Variants in THUMPD3 observed in about 807,000 individuals in gnomAD.
THUMPD3 encodes the protein tRNA (guanine(6)-N(2))-methyltransferase THUMP3.
A neutral mutation model predicts 54.5 loss-of-function variants in THUMPD3; 44 were observed. The ratio of observed to expected loss-of-function variants is 0.81; its 90% CI spans 0.63 to 1.04. The LOEUF (loss-of-function observed/expected upper bound fraction) is 1.04, where lower values mean the gene tolerates loss of function less well. Ranked by LOEUF, THUMPD3 falls within the 50% of genes least tolerant of loss-of-function variation. The pLI is 0.00. For missense variants in THUMPD3, 604 were observed against 601.3 expected (o/e 1.00, Z -0.05); for synonymous variants, 196 against 201.4 (o/e 0.97, Z 0.23).
chr3:9,374,697 G>A (rs527862422), intron 5 of THUMPD3, 51 bp downstream of exon 5: 2 of 1,601,850 alleles, frequency 1.2e-6, no homozygotes, highest in Admixed American at 1.7e-5. Context: ...TGGTTTGAAT[G>A]TTCCCTTCAA....
In THUMPD3 at chr3:9,386,569, G is replaced by C. The variant is rs188700682; in HGVS notation, c.*1881G>C. The C allele has an allele frequency of 3.3e-5, 5 of 152,104 alleles. No individual in the cohort carries two copies. The highest frequency in any genetic ancestry group is 7.3e-5 in the Non-Finnish European group (5 of 68,042). The allele number at this position is 152,104 out of a possible 1,614,324, so 9.4% of individuals were successfully genotyped here. A position where few individuals can be genotyped will look rare whatever the true frequency, so the allele number is the denominator to read the frequency against. ...TTGACAAGACTGATACAAATATGTAGTGGGCAATAGTTTGCCGTCTTCTTC... is the reference window on the plus strand; with the variant it reads ...TTGACAAGACTGATACAAATATGTACTGGGCAATAGTTTGCCGTCTTCTTC... On this transcript the variant is annotated 3_prime_UTR_variant, in exon 10 of 10. Coordinates refer to ENST00000452837, the MANE Select transcript of THUMPD3 (RefSeq NM_001114092.2).
chr3:9,384,714 C>T lies in THUMPD3; in HGVS notation c.*26C>T. ...AGATGACTAATAGTACTTGTACTTC[C>T]CACCACTGGAAATGTTAGCATAAAA... On this transcript the variant is annotated 3_prime_UTR_variant, in exon 10 of 10. Transcript: ENST00000452837. The T allele has an allele frequency of 6.2e-7, 1 of 1,611,682 alleles. No individual in the cohort carries two copies. Among genetic ancestry groups the T allele is most frequent in the Admixed American group, 1.7e-5 (1 of 59,878 alleles).
intron 3 of THUMPD3, among the ~76,000 whole-genome samples, chr3:9,369,116 C>T (rs955874224): frequency 1.1e-4 from 17 of 151,882 alleles, no homozygotes; most frequent in Non-Finnish European, 2.4e-4. Context: ...TTGAGAGCAG[C>T]ATGGCCAAGG....
intron 6 of THUMPD3, among the ~76,000 whole-genome samples, chr3:9,378,891 T>C (rs910024550): frequency 2.0e-5 from 3 of 152,062 alleles, no homozygotes; most frequent in East Asian, 1.9e-4. Flanking sequence ...AATCATGATA[T>C]GTGTATGAAA....
chr3:9,365,645 G>A lies in THUMPD3; in HGVS notation c.252+325G>A, dbSNP rs184155134. 1.1e-3 allele frequency among the ~76,000 whole-genome samples: 163 copies of A among 151,706 alleles called. 1 individual carries two copies. Among genetic ancestry groups the A allele is most frequent in the Admixed American group, 2.6e-3 (39 of 15,252 alleles). On this transcript the variant is annotated intron_variant, in intron 2 of 9. Transcript: ENST00000452837. Reference sequence around the variant, plus strand: ...TCTTGCTCTGTCATCAGGCTGGAGTGCAATGGCGCGATCTTGGCTCACTGC... The same window carrying A: ...TCTTGCTCTGTCATCAGGCTGGAGTACAATGGCGCGATCTTGGCTCACTGC...
chr3:9,368,737 G>C (rs1173861662), intron 3 of THUMPD3, among the ~76,000 whole-genome samples: 1 of 152,134 alleles, frequency 6.6e-6, no homozygotes, highest in Non-Finnish European at 1.5e-5. Flanking sequence ...ACATGTATTT[G>C]GAGCAAACTT....
At chr3:9,379,251 G>C (rs1196118224) in intron 6 of THUMPD3, among the ~76,000 whole-genome samples, 1 of 150,992 alleles carries the variant, frequency 6.6e-6, no homozygotes, top group Non-Finnish European at 1.5e-5. Flanking sequence ...CGGAATCACT[G>C]AGAGCCTTCC....
intron 2 of THUMPD3, among the ~76,000 whole-genome samples, chr3:9,366,224 G>C (rs1228868134): frequency 6.6e-6 from 1 of 152,052 alleles, no homozygotes; most frequent in Non-Finnish European, 1.5e-5. Flanking sequence ...ACTCACTCAA[G>C]GTAAAAAGTG....
At position 9,380,606 on chromosome 3, in the gene THUMPD3, A is replaced by G; in HGVS notation, c.1112A>G (p.Gln371Arg). 3 of 1,609,230 alleles carry G rather than the reference A, an allele frequency of 1.9e-6. No individual in the cohort carries two copies. In the South Asian group the frequency reaches 3.3e-5, roughly 18 times the overall value. ...ATTGCATCTTTATTGACCAAGAGCC[A>G]AATTAAAGAAGGGTAAAAATTTAAA... is the stretch of plus-strand genomic sequence containing the variant. Reference protein sequence around the residue: ...NNIASLLTKSQIKEGKPSWGL... With the variant: ...NNIASLLTKSRIKEGKPSWGL... The change falls in exon 7 of 10, where the codon CAA becomes CGA. Residue 371 changes from glutamine (Q) to arginine (R), a missense_variant. By Grantham distance (43) the Gln-to-Arg change is conservative. Coordinates refer to ENST00000452837, the MANE Select transcript of THUMPD3 (RefSeq NM_001114092.2).
chr3:9,371,098 A>C lies in THUMPD3; in HGVS notation c.369A>C (p.Lys123Asn). ...AGGATTTTGAAGACTTGGCTGGAAA[A>C]CTCCCATGGTCAAACCCCTTAAAAG... Reference protein sequence around the residue: ...VLKDFEDLAGKLPWSNPLKVW... With the variant: ...VLKDFEDLAGNLPWSNPLKVW... Residue 123 changes from lysine to asparagine, a missense_variant, in exon 4 of 10, where the codon AAA becomes AAC. Transcript: ENST00000452837. 2 of 1,577,156 alleles carry C rather than the reference A, an allele frequency of 1.3e-6. No individual in the cohort carries two copies. The highest frequency in any genetic ancestry group is 1.7e-6 in the Non-Finnish European group (2 of 1,169,454).
intron 5 of THUMPD3, among the ~76,000 whole-genome samples, chr3:9,376,054 C>T (rs1036451832): frequency 1.3e-5 from 2 of 152,146 alleles, no homozygotes; most frequent in African/African-American, 2.4e-5. Flanking sequence ...TTCTAGTCTT[C>T]ATTAATTTAA....
rs1387030321 is a variant in THUMPD3 at position 9,385,344 on chromosome 3, G to A, written c.*656G>A. On this transcript the variant is annotated 3_prime_UTR_variant, in exon 10 of 10. Transcript: ENST00000452837. ...AGTGCAAAACTACCCTGGCCCAAAG[G>A]AAGGGCAGAGAACATAATTACATCT... 2 of 152,206 alleles carry A rather than the reference G, an allele frequency of 1.3e-5. No individual in the cohort carries two copies. Among genetic ancestry groups the A allele is most frequent in the Non-Finnish European group, 2.9e-5 (2 of 68,076 alleles). 9.4% of individuals were successfully genotyped at this position (152,206 alleles called of 1,614,324 possible).
At chr3:9,374,761 TAAAGA>T in intron 5 of THUMPD3, 115 bp downstream of exon 5, 1 of 1,189,736 alleles carries the variant, frequency 8.4e-7, no homozygotes, top group Non-Finnish European at 1.2e-6. Flanking sequence ...ATAGAGTGGA[TAAAGA>T]ATAGAATGGA....
intron 5 of THUMPD3, among the ~76,000 whole-genome samples, chr3:9,376,582 C>A (rs565701334): frequency 6.6e-6 from 1 of 152,266 alleles, no homozygotes; most frequent in Admixed American, 6.5e-5. Flanking sequence ...GGAGTAGGAG[C>A]AAGGAGATAG....
At chr3:9,367,959 G>A (rs2031696494) in intron 3 of THUMPD3, among the ~76,000 whole-genome samples, 1 of 152,056 alleles carries the variant, frequency 6.6e-6, no homozygotes, top group African/African-American at 2.4e-5. Context: ...CAGCTACTCA[G>A]GAGGCTGAGG....
intron 2 of THUMPD3, 74 bp downstream of exon 2, chr3:9,365,394 T>C: frequency 6.5e-7 from 1 of 1,532,262 alleles, no homozygotes; most frequent in Middle Eastern, 1.8e-4. Context: ...TTATAGACCC[T>C]TCTGGAATCC....
chr3:9,381,756 CTTTTTTTTTTTTTTTTTTTTTTTTT>C (rs753480713), intron 7 of THUMPD3, among the ~76,000 whole-genome samples: 9 of 44,370 alleles, frequency 2.0e-4, no homozygotes, highest in Admixed American at 3.3e-4. Context: ...TCAACCCGTA[CTTTTTTTTTTTTTTTTTTTTTTTTT>C]TTTTTTTTTT....
At chr3:9,373,051 A>G (rs1289671288) in intron 4 of THUMPD3, among the ~76,000 whole-genome samples, 1 of 152,238 alleles carries the variant, frequency 6.6e-6, no homozygotes, top group African/African-American at 2.4e-5. Context: ...ATTTGAGACC[A>G]GCCTGGGCAA....
intron 4 of THUMPD3, among the ~76,000 whole-genome samples, chr3:9,373,697 T>C (rs183435770): frequency 5.5e-4 from 83 of 152,286 alleles, no homozygotes; most frequent in African/African-American, 1.1e-3. Flanking sequence ...CAGTGAAAGA[T>C]TGGGGAACAT....
Sources: gnomAD v4.1 joint callset for allele counts (sites outside exome capture counted in the v4.1 genomes callset) on GRCh38, gnomAD v4.1.1 for gene constraint, MANE v1.5 for transcripts, NCBI Gene and HGNC (gene_info 2026-07-23, HGNC 2026-07-21) for gene names.